ZRANB3: variants seen among roughly 807,000 people sequenced by gnomAD.
The protein encoded by ZRANB3 is DNA annealing helicase and endonuclease ZRANB3.
A neutral mutation model predicts 133.8 loss-of-function variants in ZRANB3; 125 were observed. The ratio of observed to expected loss-of-function variants is 0.93; its 90% CI spans 0.81 to 1.08. The LOEUF is 1.08. Ranked by LOEUF, ZRANB3 falls within the 50% of genes least tolerant of loss-of-function variation. The pLI is 0.00. For missense variants in ZRANB3, 1,229 were observed against 1,275.5 expected (o/e 0.96, Z 0.56); for synonymous variants, 387 against 432.7 (o/e 0.89, Z 1.31).
At chr2:135,506,641 T>A (rs577851998) in intron 1 of ZRANB3, among the ~76,000 whole-genome samples, 2 of 152,356 alleles carry the variant, frequency 1.3e-5, no homozygotes, top group South Asian at 4.1e-4. Flanking sequence ...AACAGTAACA[T>A]GTGTCTGGTA....
intron 2 of ZRANB3, among the ~76,000 whole-genome samples, chr2:135,424,103 A>C (rs1458519641): frequency 2.6e-5 from 4 of 152,244 alleles, no homozygotes; most frequent in Non-Finnish European, 5.9e-5. Context: ...TTTAAAAAGA[A>C]AAGAAATTAA....
intron 6 of ZRANB3, among the ~76,000 whole-genome samples, chr2:135,319,807 A>G (rs1683433580): frequency 1.3e-5 from 2 of 152,162 alleles, no homozygotes; most frequent in African/African-American, 4.8e-5. Flanking sequence ...CAAACCAAAC[A>G]TACCGCTAAT....
At chr2:135,221,277 T>C (rs1694544271) in intron 15 of ZRANB3, among the ~76,000 whole-genome samples, 1 of 152,154 alleles carries the variant, frequency 6.6e-6, no homozygotes, top group African/African-American at 2.4e-5. Flanking sequence ...ATTTGGGTGA[T>C]AACATTTTAT....
At position 135,443,812 on chromosome 2, in the gene ZRANB3, A is replaced by C. The variant is rs115962723; in HGVS notation, c.162-52992T>G. Among the ~76,000 whole-genome samples, 214 of 152,310 alleles carry C rather than the reference A, an allele frequency of 1.4e-3. 3 individuals carry two copies. Among genetic ancestry groups the C allele is most frequent in the African/African-American group, 4.8e-3 (200 of 41,588 alleles). On this transcript the variant is annotated intron_variant, in intron 2 of 20. Transcript: ENST00000264159. ...TAAAAAGACACAATAATTAAATGCA[A>C]TGTAATATCCTGTATTGGATTAACA...
intron 5 of ZRANB3, 66 bp downstream of exon 5, chr2:135,349,918 G>C: frequency 7.0e-7 from 1 of 1,429,054 alleles, no homozygotes; most frequent in South Asian, 1.2e-5. Flanking sequence ...AAAACAGGTG[G>C]TTGATTCAAT....
chr2:135,226,190 T>C (rs899283283), intron 14 of ZRANB3, among the ~76,000 whole-genome samples: 1 of 152,234 alleles, frequency 6.6e-6, no homozygotes, highest in Non-Finnish European at 1.5e-5. Context: ...AGCTATCAGC[T>C]ATATTAGGGA....
intron 8 of ZRANB3, among the ~76,000 whole-genome samples, chr2:135,287,817 ATCTAGGAGCTC>A (rs971005390): frequency 8.6e-5 from 13 of 151,942 alleles, no homozygotes; most frequent in Admixed American, 7.2e-4. Context: ...CATTTATCAG[ATCTAGGAGCTC>A]TCTGGATGAG....
chr2:135,402,273 C>A (rs74265470), intron 2 of ZRANB3, among the ~76,000 whole-genome samples: 1 of 150,644 alleles, frequency 6.6e-6, no homozygotes, highest in Non-Finnish European at 1.5e-5. Context: ...TGCATATACA[C>A]GTGTTAGTTC....
intron 8 of ZRANB3, among the ~76,000 whole-genome samples, chr2:135,302,808 G>A (rs1418114502): frequency 6.6e-6 from 1 of 152,174 alleles, no homozygotes; most frequent in African/African-American, 2.4e-5. Flanking sequence ...ACAGGCAGGA[G>A]CCACTGCGCC....
chr2:135,309,527 A>C (rs898899714), intron 8 of ZRANB3, among the ~76,000 whole-genome samples: 1 of 152,250 alleles, frequency 6.6e-6, no homozygotes, highest in Non-Finnish European at 1.5e-5. Context: ...TAATAAAAGG[A>C]GTTCAGCAAG....
intron 2 of ZRANB3, among the ~76,000 whole-genome samples, chr2:135,470,317 C>T (rs2105026535): frequency 6.6e-6 from 1 of 150,682 alleles, no homozygotes; most frequent in South Asian, 2.1e-4. Context: ...GAGTGAGACT[C>T]TGTCTCAAAA....
intron 2 of ZRANB3, among the ~76,000 whole-genome samples, chr2:135,482,753 T>C (rs1020960980): frequency 3.9e-5 from 6 of 152,246 alleles, no homozygotes; most frequent in Admixed American, 1.3e-4. Context: ...GGCAGTGGGT[T>C]TGTCATAGAT....
At chr2:135,367,008 G>A (rs957137204) in intron 3 of ZRANB3, among the ~76,000 whole-genome samples, 7 of 152,002 alleles carry the variant, frequency 4.6e-5, no homozygotes, top group Admixed American at 6.6e-5. Flanking sequence ...GCGACAGAGC[G>A]AGACTCCATC....
chr2:135,435,837 T>A (rs978390154), intron 2 of ZRANB3, among the ~76,000 whole-genome samples: 4 of 152,196 alleles, frequency 2.6e-5, no homozygotes, highest in Non-Finnish European at 5.9e-5. Flanking sequence ...AATGGGGTTA[T>A]TTTTCTCTTG....
chr2:135,520,150 G>A (rs1490337283), intron 1 of ZRANB3, among the ~76,000 whole-genome samples: 2 of 151,178 alleles, frequency 1.3e-5, no homozygotes, highest in Non-Finnish European at 2.9e-5. Context: ...TTGGGAGGCC[G>A]AGGCGGGTGG....
At chr2:135,327,465 CA>C (rs1573916794) in intron 6 of ZRANB3, among the ~76,000 whole-genome samples, 6 of 152,100 alleles carry the variant, frequency 3.9e-5, no homozygotes, top group Non-Finnish European at 1.5e-5. Context: ...ATAAGGTAAA[CA>C]AAAAGTTGAC....
At chr2:135,429,033 G>T (rs1689210119) in intron 2 of ZRANB3, among the ~76,000 whole-genome samples, 1 of 152,070 alleles carries the variant, frequency 6.6e-6, no homozygotes, top group Admixed American at 6.6e-5. Flanking sequence ...CCCATTACTG[G>T]GTATATATCT....
intron 8 of ZRANB3, among the ~76,000 whole-genome samples, chr2:135,285,739 A>G (rs1180204053): frequency 6.6e-6 from 1 of 152,188 alleles, no homozygotes; most frequent in Non-Finnish European, 1.5e-5. Context: ...TTCTCCCAAA[A>G]TGGTTTCTTC....
intron 1 of ZRANB3, among the ~76,000 whole-genome samples, chr2:135,520,504 C>T (rs1237823162): frequency 2.0e-5 from 3 of 151,914 alleles, no homozygotes; most frequent in South Asian, 2.1e-4. Context: ...CCTCAAACTC[C>T]TGGGCTCACA....
Sources: allele counts gnomAD v4.1 joint callset (sites outside exome capture counted in the v4.1 genomes callset), GRCh38; gene constraint gnomAD v4.1.1; transcripts MANE v1.5; gene names NCBI Gene and HGNC (gene_info 2026-07-23, HGNC 2026-07-21).